TMEM108: variants seen among roughly 807,000 people sequenced by gnomAD.
TMEM108 encodes cancer/testis antigen 124.
Under a neutral mutation model 35.1 loss-of-function variants are expected in TMEM108, and 12 were observed. The ratio of observed to expected loss-of-function variants is 0.34; its 90% CI spans 0.22 to 0.55. TMEM108 has a LOEUF of 0.55. TMEM108 is among the 20% of genes least tolerant of loss of function. The pLI is 0.89. For synonymous variants in TMEM108, 287 were observed against 308.6 expected (o/e 0.93, Z 0.73); for missense variants, 680 against 753.3 (o/e 0.90, Z 1.14).
intron 2 of TMEM108, among the ~76,000 whole-genome samples, chr3:133,098,807 G>C (rs1944049832): frequency 6.6e-6 from 1 of 152,204 alleles, no homozygotes; most frequent in African/African-American, 2.4e-5. Flanking sequence ...CCATGGTCTT[G>C]GGCAGCTCTG....
At chr3:133,105,109 AT>A in intron 2 of TMEM108, among the ~76,000 whole-genome samples, 1 of 152,314 alleles carries the variant, frequency 6.6e-6, no homozygotes, top group East Asian at 1.9e-4. Context: ...CAAGTTTATT[AT>A]CTCACAGTTC....
In TMEM108 at chr3:133,126,468, G is replaced by GC. The variant is rs949950495; in HGVS notation, c.-47+80456dup. Among the ~76,000 whole-genome samples, 28 of 138,264 alleles carry GC rather than the reference G, an allele frequency of 2.0e-4. 1 individual carries two copies. Among genetic ancestry groups the GC allele is most frequent in the South Asian group, 1.8e-3 (8 of 4,328 alleles). The allele number at this position is 138,264 out of a possible 152,430, so 90.7% of individuals were successfully genotyped here. On this transcript the variant is annotated intron_variant, in intron 2 of 5. Coordinates refer to ENST00000321871, the MANE Select transcript of TMEM108 (RefSeq NM_023943.4). ...GGCAACAGAGTGAGACTTTGTCCCC[G>GC]CCCCCCCCAGAAAAAAAAAAAAAGA...
intron 4 of TMEM108, among the ~76,000 whole-genome samples, chr3:133,383,764 G>C (rs2107848623): frequency 6.6e-6 from 1 of 152,298 alleles, no homozygotes; most frequent in East Asian, 1.9e-4. Context: ...GCTGGAGATG[G>C]AACATATTAC....
chr3:133,234,044 T>A lies in TMEM108; in HGVS notation c.40+4693T>A, dbSNP rs1490354145. Among the ~76,000 whole-genome samples, 120 of 150,928 alleles carry A rather than the reference T, an allele frequency of 8.0e-4. 1 individual carries two copies. Among genetic ancestry groups the A allele is most frequent in the South Asian group, 2.7e-3 (13 of 4,756 alleles). On this transcript the variant is annotated intron_variant, in intron 3 of 5. Transcript: ENST00000321871. ...TGCTGTGCAGAAGCTCTTTAGTTTA[T>A]TTAGATCCCATTTGTCAATTTTGGC... is the stretch of plus-strand genomic sequence containing the variant.
chr3:133,140,575 T>C (rs11920387), intron 2 of TMEM108, among the ~76,000 whole-genome samples: 15,964 of 152,258 alleles, frequency 0.1, 1,019 homozygotes, highest in South Asian at 0.17. Context: ...AGATCTTTTT[T>C]TGAGAAAAAG....
intron 3 of TMEM108, among the ~76,000 whole-genome samples, chr3:133,251,707 T>C (rs1422579600): frequency 6.6e-6 from 1 of 152,134 alleles, no homozygotes; most frequent in African/African-American, 2.4e-5. Flanking sequence ...TATCCCACTG[T>C]CTAGTCACGT....
In TMEM108 at chr3:133,289,961, A is replaced by G. The variant is rs149056743; in HGVS notation, c.40+60610A>G. Among the ~76,000 whole-genome samples the G allele has an allele frequency of 1.9e-3, 293 of 152,296 alleles. 1 individual carries two copies. Among genetic ancestry groups the G allele is most frequent in the East Asian group, 6.0e-3 (31 of 5,174 alleles). The stretch of plus-strand genomic sequence containing the variant: ...ATTCACATATCCATTCAACCAATAC[A>G]TGTTGAACACTTACTATGTTCCAAG... On this transcript the variant is annotated intron_variant, in intron 3 of 5. Coordinates refer to ENST00000321871, the MANE Select transcript of TMEM108 (RefSeq NM_023943.4).
chr3:133,095,279 G>C (rs1353756291), intron 2 of TMEM108, among the ~76,000 whole-genome samples: 2 of 152,116 alleles, frequency 1.3e-5, no homozygotes, highest in African/African-American at 4.8e-5. Context: ...CAAAGGTGAT[G>C]GTCTCAGCCT....
chr3:133,202,485 G>C (rs1039712587), intron 2 of TMEM108, among the ~76,000 whole-genome samples: 4 of 152,154 alleles, frequency 2.6e-5, no homozygotes, highest in Non-Finnish European at 4.4e-5. Context: ...TGTAAGGAAG[G>C]GGTCCAGGTT....
Position 133,380,508 on chromosome 3 carries a change from C to T in TMEM108, c.797C>T (p.Pro266Leu). 5.6e-6 allele frequency: 9 copies of T among 1,613,884 alleles called. No homozygotes were observed. The highest frequency in any genetic ancestry group is 6.8e-6 in the Non-Finnish European group (8 of 1,179,954). The change falls in exon 4 of 6, where the codon CCC (proline) becomes CTC (leucine). Residue 266 changes from proline to leucine, a missense_variant. Physicochemically the swap from Pro to Leu is moderately conservative, Grantham distance 98. Coordinates refer to ENST00000321871, the MANE Select transcript of TMEM108 (RefSeq NM_023943.4). This position sits in a 1 kb window ranked among gnomAD's most constrained non-coding sequence, Gnocchi z 5.3. Reference sequence around the variant, plus strand: ...GTGCCCAGCAATACCTCATGGGCACCCACCACCACCTCCCTGGGGCCTGCA... The same window carrying T: ...GTGCCCAGCAATACCTCATGGGCACTCACCACCACCTCCCTGGGGCCTGCA... ...TTVPSNTSWA[P>L]TTTSLGPAKD...
At chr3:133,175,929 C>T (rs1945218704) in intron 2 of TMEM108, among the ~76,000 whole-genome samples, 1 of 152,122 alleles carries the variant, frequency 6.6e-6, no homozygotes, top group Admixed American at 6.5e-5. Context: ...GGAAACCCAT[C>T]TCATGTGCAG....
rs113865526 is a variant in TMEM108, at chr3:133,298,070, G to A, written c.40+68719G>A. On this transcript the variant is annotated intron_variant, in intron 3 of 5. Transcript: ENST00000321871. The stretch of plus-strand genomic sequence containing the variant: ...ATGCTCTGAGCTCCTGCCCTCCCCT[G>A]ATGAGCCACGCTACTGGAGAGAATT... 7.2e-3 allele frequency among the ~76,000 whole-genome samples: 1,100 copies of A among 152,252 alleles called. 7 individuals are homozygous for A. The highest frequency in any genetic ancestry group is 0.01 in the Non-Finnish European group (700 of 68,008).
intron 2 of TMEM108, among the ~76,000 whole-genome samples, chr3:133,223,381 A>C (rs1306312520): frequency 6.6e-6 from 1 of 152,158 alleles, no homozygotes; most frequent in Admixed American, 6.5e-5. Flanking sequence ...GAGTGTATGG[A>C]ATTGAACCTG....
chr3:133,162,257 G>T (rs1944972121), intron 2 of TMEM108, among the ~76,000 whole-genome samples: 2 of 152,046 alleles, frequency 1.3e-5, no homozygotes, highest in Middle Eastern at 3.4e-3. Flanking sequence ...CAAAGCTTGT[G>T]CATTAAAACC....
chr3:133,212,882 G>GAAAAAAAAAAAAAAAAAAAAAAGA (rs35722031), intron 2 of TMEM108, among the ~76,000 whole-genome samples: 1 of 127,486 alleles, frequency 7.8e-6, no homozygotes. Context: ...AAAAAAAAAG[G>GAAAAAAAAAAAAAAAAAAAAAAGA]AAAAAAAAAA....
chr3:133,130,561 A>G (rs1944477047), intron 2 of TMEM108, among the ~76,000 whole-genome samples: 2 of 152,026 alleles, frequency 1.3e-5, no homozygotes, highest in Admixed American at 6.6e-5. Context: ...GACCCAAGAG[A>G]AAAAAAAGCA....
chr3:133,132,539 T>A (rs1420751686), intron 2 of TMEM108, among the ~76,000 whole-genome samples: 1 of 152,080 alleles, frequency 6.6e-6, no homozygotes, highest in Non-Finnish European at 1.5e-5. Context: ...AAAAGAAGAT[T>A]CCTTTCAAAA....
chr3:133,147,687 C>T (rs1206849964), intron 2 of TMEM108, among the ~76,000 whole-genome samples: 2 of 152,158 alleles, frequency 1.3e-5, no homozygotes, highest in African/African-American at 2.4e-5. Flanking sequence ...CTACCTATTG[C>T]TGAGAAGATT....
At chr3:133,350,425 C>A (rs1268144252) in intron 3 of TMEM108, among the ~76,000 whole-genome samples, 2 of 151,788 alleles carry the variant, frequency 1.3e-5, no homozygotes, top group Non-Finnish European at 2.9e-5. Context: ...AGAAGAGAGG[C>A]TTGTGAAGGT....
Sources: gnomAD v4.1 joint callset for allele counts (sites outside exome capture counted in the v4.1 genomes callset) on GRCh38, gnomAD v4.1.1 for gene constraint, Gnocchi (gnomAD v3.1) non-coding constraint, MANE v1.5 for transcripts, NCBI Gene and HGNC (gene_info 2026-07-23, HGNC 2026-07-21) for gene names.